HOOK3: variants seen among roughly 807,000 people sequenced by gnomAD.
The protein encoded by HOOK3 is hook microtubule tethering protein 3.
A neutral mutation model predicts 116.3 loss-of-function variants in HOOK3; 24 were observed. The ratio of observed to expected loss-of-function variants is 0.21; its 90% CI spans 0.15 to 0.29. The LOEUF is 0.29. Ranked by LOEUF, HOOK3 falls within the 10% of genes least tolerant of loss-of-function variation. The probability of loss-of-function intolerance (pLI) is 1.00; values close to 1 mark genes in which losing one functional copy is unlikely to be tolerated. For missense variants in HOOK3, 632 were observed against 830.2 expected, an observed-to-expected ratio of 0.76 and a Z score of 2.93; for synonymous variants, 275 against 283.0, an observed-to-expected ratio of 0.97 and a Z score of 0.28.
At chr8:42,976,814 G>A (rs74747104) in intron 13 of HOOK3, among the ~76,000 whole-genome samples, 9 of 151,828 alleles carry the variant, frequency 5.9e-5, no homozygotes, top group East Asian at 2.0e-4. Flanking sequence ...TGAGAATGGC[G>A]TGAACCCGGG....
chr8:42,968,327 TTATTG>T (rs1173160359), intron 11 of HOOK3, 113 bp downstream of exon 11: 7 of 729,038 alleles, frequency 9.6e-6, no homozygotes, highest in East Asian at 5.5e-5. Flanking sequence ...TACCTTTTCT[TTATTG>T]TATTGATTCA....
chr8:42,986,668 C>T lies in HOOK3; in HGVS notation c.1405C>T (p.Arg469Cys). 9 of 1,609,844 alleles carry T rather than the reference C, an allele frequency of 5.6e-6. No homozygotes were observed. The highest frequency in any genetic ancestry group is 2.7e-5 in the African/African-American group (2 of 74,726). ...VTPEIREKLI[R>C]LQHENKMLKL... ...TTGTTCATTCAGGGAGAAACTTATTCGTCTTCAGCATGAGAATAAGATGTT... is the reference window on the plus strand; with the variant it reads ...TTGTTCATTCAGGGAGAAACTTATTTGTCTTCAGCATGAGAATAAGATGTT... The change falls in exon 15 of 22, where the codon CGT becomes TGT. Residue 469 changes from arginine to cysteine, a missense_variant. By Grantham distance (180) the Arg-to-Cys change is radical. This residue lies in a region of HOOK3 where 483 missense variants were observed against 648.1 expected (regional missense o/e 0.75). Transcript: ENST00000307602.
intron 19 of HOOK3, 30 bp from the exon 20 acceptor site, chr8:43,013,021 T>C (rs777687776): frequency 1.7e-5 from 24 of 1,385,096 alleles, no homozygotes; most frequent in Non-Finnish European, 2.3e-5. Flanking sequence ...TTTGAGACTT[T>C]TTAAATTTTT....
intron 15 of HOOK3, among the ~76,000 whole-genome samples, chr8:42,996,070 C>T (rs1197710686): frequency 6.6e-6 from 1 of 152,098 alleles, no homozygotes; most frequent in Non-Finnish European, 1.5e-5. Flanking sequence ...AATGTTGCAT[C>T]ATGACCTAGA....
At position 43,025,437 on chromosome 8, in the gene HOOK3, A is replaced by G. The variant is rs1242947176; in HGVS notation, c.*6939A>G. ...TATGCAGGCAGAGGGAAGTCCTAATACAATGAAAACTTGCATTATCTAAAC... is the reference window on the plus strand; with the variant it reads ...TATGCAGGCAGAGGGAAGTCCTAATGCAATGAAAACTTGCATTATCTAAAC... On this transcript the variant is annotated 3_prime_UTR_variant, in exon 22 of 22. Coordinates refer to ENST00000307602, the MANE Select transcript of HOOK3 (RefSeq NM_032410.4). 1 of 213,470 alleles carries G rather than the reference A, an allele frequency of 4.7e-6. No homozygotes were observed. The highest frequency in any genetic ancestry group is 7.0e-5 in the East Asian group (1 of 14,198). 13.2% of individuals were successfully genotyped at this position (213,470 alleles called of 1,614,324 possible). A position where few individuals can be genotyped will look rare whatever the true frequency, so the allele number is the denominator to read the frequency against.
At chr8:42,899,563 A>G (rs1236526663) in intron 1 of HOOK3, among the ~76,000 whole-genome samples, 2 of 152,130 alleles carry the variant, frequency 1.3e-5, no homozygotes, top group African/African-American at 4.8e-5. Flanking sequence ...GTATAATATC[A>G]CCCCTCCTAT....
At chr8:42,913,843 T>C (rs959296083) in intron 2 of HOOK3, among the ~76,000 whole-genome samples, 1 of 152,192 alleles carries the variant, frequency 6.6e-6, no homozygotes, top group Non-Finnish European at 1.5e-5. Flanking sequence ...TTAATTTTCA[T>C]TTCAATAATG....
rs560238553 is a variant in HOOK3, at chr8:42,974,019, T to A, written c.1234-88T>A. ...AAAACATGTTCATGTTCACTATTGTTTATCATTCTATTAGGTAAGGCAGAG... is the reference window on the plus strand; with the variant it reads ...AAAACATGTTCATGTTCACTATTGTATATCATTCTATTAGGTAAGGCAGAG... On this transcript the variant is annotated intron_variant, in intron 12 of 21. Coordinates refer to ENST00000307602, the MANE Select transcript of HOOK3 (RefSeq NM_032410.4). The A allele has an allele frequency of 5.9e-4, 513 of 876,086 alleles. 9 individuals are homozygous for A. The South Asian group carries it at 6.0e-3, about 10-fold the overall frequency. 54.3% of individuals were successfully genotyped at this position (876,086 alleles called of 1,614,324 possible).
chr8:42,938,871 C>T (rs1808031364), intron 4 of HOOK3, among the ~76,000 whole-genome samples: 1 of 152,120 alleles, frequency 6.6e-6, no homozygotes, highest in South Asian at 2.1e-4. Flanking sequence ...CTGCATTCCG[C>T]AGTGTTTGTG....
intron 2 of HOOK3, among the ~76,000 whole-genome samples, chr8:42,907,037 A>G (rs1264811108): frequency 6.6e-6 from 1 of 152,234 alleles, no homozygotes; most frequent in Non-Finnish European, 1.5e-5. Context: ...TGAAATTGAT[A>G]TTATATGACT....
rs1207665493 is a variant in HOOK3 at position 43,021,689 on chromosome 8, G to C, written c.*3191G>C. The C allele has an allele frequency of 6.3e-6, 1 of 159,034 alleles. No individual in the cohort carries two copies. Among genetic ancestry groups the C allele is most frequent in the African/African-American group, 2.5e-5 (1 of 39,424 alleles). 9.9% of individuals were successfully genotyped at this position (159,034 alleles called of 1,614,324 possible). On this transcript the variant is annotated 3_prime_UTR_variant, in exon 22 of 22. Transcript: ENST00000307602. ...TTCTTTCTTTTTTTTTTTTTTGTGAGATGATGTCTCGCTCTGTCACCCAGG... is the reference window on the plus strand; with the variant it reads ...TTCTTTCTTTTTTTTTTTTTTGTGACATGATGTCTCGCTCTGTCACCCAGG...
intron 16 of HOOK3, chr8:42,997,843 T>G (rs1337747845): frequency 2.2e-6 from 1 of 456,064 alleles, no homozygotes; most frequent in Non-Finnish European, 4.0e-6. Flanking sequence ...CTGCTGGGAA[T>G]TAGAAGTTCA....
At chr8:42,921,461 G>A (rs762506188) in intron 2 of HOOK3, among the ~76,000 whole-genome samples, 4 of 152,120 alleles carry the variant, frequency 2.6e-5, no homozygotes, top group Non-Finnish European at 5.9e-5. Flanking sequence ...TAATGTTTTA[G>A]TAGAAATCAC....
chr8:42,978,410 ATT>A (rs780491369), intron 13 of HOOK3, among the ~76,000 whole-genome samples: 40 of 120,966 alleles, frequency 3.3e-4, no homozygotes, highest in African/African-American at 9.0e-4. Flanking sequence ...TGCCTGGCTA[ATT>A]TTTTTTTTTT....
intron 11 of HOOK3, among the ~76,000 whole-genome samples, chr8:42,970,632 C>T (rs1808709011): frequency 6.6e-6 from 1 of 151,982 alleles, no homozygotes; most frequent in African/African-American, 2.4e-5. Context: ...TAGATAGATT[C>T]CATTTTCACT....
At chr8:42,981,017 T>G (rs1339101148) in intron 13 of HOOK3, among the ~76,000 whole-genome samples, 2 of 151,958 alleles carry the variant, frequency 1.3e-5, no homozygotes, top group African/African-American at 4.8e-5. Context: ...GCCCCTTCAG[T>G]CTTGGACTTC....
intron 4 of HOOK3, among the ~76,000 whole-genome samples, chr8:42,940,477 A>G (rs2130381232): frequency 6.6e-6 from 1 of 152,174 alleles, no homozygotes. Context: ...CCGTGGAAAG[A>G]GAGGGAGAGG....
chr8:42,977,965 A>T (rs1172758970), intron 13 of HOOK3, among the ~76,000 whole-genome samples: 1 of 152,230 alleles, frequency 6.6e-6, no homozygotes, highest in Non-Finnish European at 1.5e-5. Flanking sequence ...GTGTACTATC[A>T]TAAACATTGA....
chr8:42,964,516 T>G, intron 9 of HOOK3, 42 bp downstream of exon 9: 2 of 1,582,880 alleles, frequency 1.3e-6, no homozygotes, highest in Non-Finnish European at 8.6e-7. Context: ...AAAAATTTGT[T>G]AGCTGTCATT....
Sources: gnomAD v4.1 joint callset for allele counts (sites outside exome capture counted in the v4.1 genomes callset) on GRCh38, gnomAD v4.1.1 for gene constraint, gnomAD v4.1.1 regional missense constraint, MANE v1.5 for transcripts, NCBI Gene and HGNC (gene_info 2026-07-23, HGNC 2026-07-21) for gene names.